The following RBPMS variants were observed in gnomAD, a reference collection of about 807,000 sequenced individuals.
RBPMS encodes RNA-binding protein with multiple splicing.
A neutral mutation model predicts 26.8 loss-of-function variants in RBPMS; 7 were observed. That is an observed-to-expected ratio of 0.26 (90% CI 0.15 to 0.49). RBPMS has a LOEUF of 0.49. Among genes scored for constraint, RBPMS ranks in the 20% least tolerant of loss-of-function variants. RBPMS has a pLI of 0.98. For missense variants in RBPMS, 186 were observed against 250.0 expected, an observed-to-expected ratio of 0.74 and a Z score of 1.73; for synonymous variants, 96 against 93.3, an observed-to-expected ratio of 1.03 and a Z score of -0.17.
chr8:30,425,781 T>C (rs924101989), intron 1 of RBPMS, among the ~76,000 whole-genome samples: 3 of 152,172 alleles, frequency 2.0e-5, no homozygotes, highest in African/African-American at 4.8e-5. Flanking sequence ...GATATTGTTC[T>C]AAACATTTTT....
chr8:30,563,347 G>T (rs1462344783), intron 7 of RBPMS, among the ~76,000 whole-genome samples: 1 of 152,230 alleles, frequency 6.6e-6, no homozygotes, highest in African/African-American at 2.4e-5. Context: ...ATTGAAAATT[G>T]TCAGTTTCCC....
At chr8:30,426,581 C>CAG (rs1811372683) in intron 1 of RBPMS, among the ~76,000 whole-genome samples, 2 of 152,006 alleles carry the variant, frequency 1.3e-5, no homozygotes, top group South Asian at 4.1e-4. Flanking sequence ...ATCTTAAAGG[C>CAG]ATTGAACAGG....
intron 1 of RBPMS, among the ~76,000 whole-genome samples, chr8:30,410,867 C>G (rs1420750138): frequency 6.6e-6 from 1 of 151,916 alleles, no homozygotes; most frequent in Non-Finnish European, 1.5e-5. Context: ...TCCTGGAAAG[C>G]CAGGACTGCA....
At chr8:30,532,682 T>C (rs572259350) in intron 5 of RBPMS, among the ~76,000 whole-genome samples, 75 of 152,290 alleles carry the variant, frequency 4.9e-4, no homozygotes, top group African/African-American at 1.6e-3. Flanking sequence ...TCTATAATAC[T>C]GATACGAGGA....
At chr8:30,495,686 G>A (rs1444771636) in intron 4 of RBPMS, among the ~76,000 whole-genome samples, 2 of 152,336 alleles carry the variant, frequency 1.3e-5, no homozygotes, top group South Asian at 2.1e-4. Context: ...AGCACAGGCT[G>A]TTGTATTAAC....
chr8:30,498,699 G>T (rs1820236972), intron 4 of RBPMS, among the ~76,000 whole-genome samples: 1 of 152,248 alleles, frequency 6.6e-6, no homozygotes, highest in Non-Finnish European at 1.5e-5. Context: ...TAGCAATTGT[G>T]CATTTTTGTA....
chr8:30,563,825 G>A (rs369664192), intron 7 of RBPMS, among the ~76,000 whole-genome samples: 5 of 152,214 alleles, frequency 3.3e-5, no homozygotes, highest in African/African-American at 1.2e-4. Flanking sequence ...CTGCTGTCAC[G>A]CTGGCCTCCC....
chr8:30,437,380 C>T (rs1812586385), intron 1 of RBPMS, among the ~76,000 whole-genome samples: 1 of 151,640 alleles, frequency 6.6e-6, no homozygotes, highest in Admixed American at 6.6e-5. Context: ...ATTGGCTGGG[C>T]GTGGTGGCTC....
chr8:30,540,458 GT>G (rs1215598592), intron 5 of RBPMS, among the ~76,000 whole-genome samples: 3 of 152,190 alleles, frequency 2.0e-5, no homozygotes, highest in Non-Finnish European at 4.4e-5. Context: ...GTCTTACTCT[GT>G]TGCCCTGGCT....
At chr8:30,490,138 T>C (rs905346455) in intron 4 of RBPMS, among the ~76,000 whole-genome samples, 2 of 152,166 alleles carry the variant, frequency 1.3e-5, no homozygotes, top group African/African-American at 2.4e-5. Flanking sequence ...TAAAATAATT[T>C]TGGTGGAACC....
At chr8:30,390,281 G>T (rs1807633183) in intron 1 of RBPMS, among the ~76,000 whole-genome samples, 1 of 152,178 alleles carries the variant, frequency 6.6e-6, no homozygotes, top group African/African-American at 2.4e-5. Context: ...CAAGCCTAGC[G>T]GTGAGAATCA....
intron 1 of RBPMS, among the ~76,000 whole-genome samples, chr8:30,438,730 G>A (rs75141523): frequency 0.09 from 13,754 of 152,032 alleles, 1,284 homozygotes; most frequent in African/African-American, 0.24. Flanking sequence ...CATCAAGTTC[G>A]CATCGTATCT....
intron 1 of RBPMS, among the ~76,000 whole-genome samples, chr8:30,426,392 C>T (rs1811349941): frequency 1.3e-5 from 2 of 152,148 alleles, no homozygotes; most frequent in Non-Finnish European, 2.9e-5. Flanking sequence ...GATCCAGCTT[C>T]CTGCATTTTC....
chr8:30,427,091 G>A (rs1004280467), intron 1 of RBPMS, among the ~76,000 whole-genome samples: 1 of 152,092 alleles, frequency 6.6e-6, no homozygotes, highest in Non-Finnish European at 1.5e-5. Context: ...ACGCCAGGCC[G>A]ACCTCCCCTT....
rs1347885624 is a variant in RBPMS at position 30,544,886 on chromosome 8, G to C, written c.528+262G>C. Reference sequence around the variant, plus strand: ...AATGATCTCACCTCATATCGCACATGAGAGACCGGGGCAGGTTTATCCACC... The same window carrying C: ...AATGATCTCACCTCATATCGCACATCAGAGACCGGGGCAGGTTTATCCACC... On this transcript the variant is annotated intron_variant, in intron 6 of 8. Transcript: ENST00000397323. 22 of 1,492,796 alleles carry C rather than the reference G, an allele frequency of 1.5e-5. No individual in the cohort carries two copies. In the East Asian group the frequency reaches 4.4e-4, roughly 30 times the overall value. 92.5% of individuals were successfully genotyped at this position (1,492,796 alleles called of 1,614,324 possible). A position where few individuals can be genotyped will look rare whatever the true frequency, so the allele number is the denominator to read the frequency against.
chr8:30,426,933 A>G (rs911595603), intron 1 of RBPMS, among the ~76,000 whole-genome samples: 1 of 152,148 alleles, frequency 6.6e-6, no homozygotes, highest in Non-Finnish European at 1.5e-5. Flanking sequence ...ATTCAACATC[A>G]GAACTTGTTT....
Position 30,566,357 on chromosome 8 carries a change from G to C in RBPMS, c.*108G>C. 1 of 863,030 alleles carries C rather than the reference G, an allele frequency of 1.2e-6. No homozygotes were observed. Among genetic ancestry groups the C allele is most frequent in the Non-Finnish European group, 1.3e-6 (1 of 761,966 alleles). The allele number at this position is 863,030 out of a possible 1,614,324, so 53.5% of individuals were successfully genotyped here. A position where few individuals can be genotyped will look rare whatever the true frequency, so the allele number is the denominator to read the frequency against. ...TAGCTGTTCTACAAAACTGGAGCAT[G>C]CTGGTGAGTAACAGTCAGGGCTGAA... On this transcript the variant is annotated 3_prime_UTR_variant, in exon 8 of 9. Transcript: ENST00000397323.
intron 8 of RBPMS, among the ~76,000 whole-genome samples, chr8:30,569,929 C>G (rs1828154055): frequency 6.6e-6 from 1 of 152,164 alleles, no homozygotes; most frequent in Non-Finnish European, 1.5e-5. Flanking sequence ...CAGAGAAGGT[C>G]CAGGGTGTCC....
Position 30,503,550 on chromosome 8 carries a change from C to T in RBPMS, c.247-736C>T, listed in dbSNP as rs142165025. ...CTAGGATGACAGGCATGAGCCACAA[C>T]GCCCTGCCTGCTCTTATTTTTTTTC... On this transcript the variant is annotated intron_variant, in intron 4 of 8. Coordinates refer to ENST00000397323, the MANE Select transcript of RBPMS (RefSeq NM_001008710.3). 2.0e-3 allele frequency among the ~76,000 whole-genome samples: 301 copies of T among 151,948 alleles called. 2 individuals carry two copies. Among genetic ancestry groups the T allele is most frequent in the African/African-American group, 6.9e-3 (285 of 41,440 alleles).
Sources: gnomAD v4.1 joint callset for allele counts (sites outside exome capture counted in the v4.1 genomes callset) on GRCh38, gnomAD v4.1.1 for gene constraint, MANE v1.5 for transcripts, NCBI Gene and HGNC (gene_info 2026-07-23, HGNC 2026-07-21) for gene names.